The following SYT1 variants were observed in gnomAD, a reference collection of about 807,000 sequenced individuals.
SYT1 encodes the protein synaptotagmin 1.
SYT1 carries 8 observed loss-of-function variants against 44.8 expected under a neutral mutation model. The ratio of observed to expected loss-of-function variants is 0.18; its 90% CI spans 0.10 to 0.32. The LOEUF (loss-of-function observed/expected upper bound fraction) is 0.32, where lower values mean the gene tolerates loss of function less well. Ranked by LOEUF, SYT1 falls within the 10% of genes least tolerant of loss-of-function variation. SYT1 has a pLI of 1.00. For missense variants in SYT1, 286 were observed against 509.3 expected (o/e 0.56, Z 4.22); for synonymous variants, 154 against 188.8 (o/e 0.82, Z 1.51).
chr12:78,957,811 TA>T (rs1193173644), intron 1 of SYT1, among the ~76,000 whole-genome samples: 1 of 152,092 alleles, frequency 6.6e-6, no homozygotes, highest in African/African-American at 2.4e-5. Context: ...ACAAAATAAG[TA>T]AATAAAGAAA....
At chr12:78,936,902 A>G (rs1878093750) in intron 1 of SYT1, among the ~76,000 whole-genome samples, 1 of 152,184 alleles carries the variant, frequency 6.6e-6, no homozygotes. Context: ...ACTTGGAGCA[A>G]GGTACCCCTG....
chr12:78,972,332 T>C (rs2137394303), intron 1 of SYT1, among the ~76,000 whole-genome samples: 1 of 152,206 alleles, frequency 6.6e-6, no homozygotes, highest in Admixed American at 6.5e-5. Flanking sequence ...AGGTAATGCA[T>C]CATAAACTAA....
At chr12:79,430,463 A>T (rs1296667444) in intron 9 of SYT1, among the ~76,000 whole-genome samples, 1 of 152,192 alleles carries the variant, frequency 6.6e-6, no homozygotes, top group Non-Finnish European at 1.5e-5. Context: ...TGTTTTCTGT[A>T]TGCCTTCATT....
In SYT1 at chr12:79,276,953, AAGG is replaced by A. The variant is rs921385803; in HGVS notation, c.167-8817_167-8815del. Among the ~76,000 whole-genome samples the A allele has an allele frequency of 1.1e-3, 158 of 144,088 alleles. 1 individual carries two copies. Among genetic ancestry groups the A allele is most frequent in the South Asian group, 3.9e-3 (17 of 4,364 alleles). 94.5% of individuals were successfully genotyped at this position (144,088 alleles called of 152,430 possible). On this transcript the variant is annotated intron_variant, in intron 4 of 10. Coordinates refer to ENST00000261205, the MANE Select transcript of SYT1 (RefSeq NM_005639.3). Reference sequence around the variant, plus strand: ...AGGAAGGAGAAGAAGAAGAAGGAAGAAGGAGGAGGAGGAGGAGGAAGAGGAGGA... The same window carrying A: ...AGGAAGGAGAAGAAGAAGAAGGAAGAAGGAGGAGGAGGAGGAAGAGGAGGA...
chr12:78,984,277 G>C (rs1044376570), intron 2 of SYT1, among the ~76,000 whole-genome samples: 1 of 151,840 alleles, frequency 6.6e-6, no homozygotes, highest in South Asian at 2.1e-4. Flanking sequence ...AAAATTCAGA[G>C]CACCCTAGCA....
At chr12:79,345,334 C>G (rs1882559927) in intron 8 of SYT1, among the ~76,000 whole-genome samples, 1 of 151,496 alleles carries the variant, frequency 6.6e-6, no homozygotes. Context: ...TTACTAGACC[C>G]TGGAAGGTTT....
chr12:79,123,756 A>G (rs1236454469), intron 3 of SYT1, among the ~76,000 whole-genome samples: 2 of 152,204 alleles, frequency 1.3e-5, no homozygotes, highest in African/African-American at 4.8e-5. Flanking sequence ...AGCTCAAATT[A>G]ATGATTCCTG....
chr12:78,935,724 G>T (rs530304236), intron 1 of SYT1, among the ~76,000 whole-genome samples: 16 of 151,926 alleles, frequency 1.1e-4, no homozygotes, highest in African/African-American at 1.4e-4. Flanking sequence ...CCAATGAAAG[G>T]CTCTTAGATA....
At chr12:79,141,369 C>A (rs1445291997) in intron 3 of SYT1, among the ~76,000 whole-genome samples, 1 of 151,890 alleles carries the variant, frequency 6.6e-6, no homozygotes, top group Non-Finnish European at 1.5e-5. Context: ...ACAAATAATG[C>A]GTATTTGTAT....
intron 8 of SYT1, among the ~76,000 whole-genome samples, chr12:79,352,426 G>C (rs1270262886): frequency 6.6e-6 from 1 of 152,052 alleles, no homozygotes; most frequent in East Asian, 1.9e-4. Context: ...GTTGCCTTCT[G>C]TAGAATCAGA....
chr12:79,413,257 C>T (rs1366353497), intron 9 of SYT1, among the ~76,000 whole-genome samples: 1 of 152,202 alleles, frequency 6.6e-6, no homozygotes, highest in Non-Finnish European at 1.5e-5. Flanking sequence ...AAGGACACTG[C>T]TTCATATGTG....
chr12:79,373,855 C>T (rs61928833), intron 9 of SYT1, among the ~76,000 whole-genome samples: 17,510 of 152,112 alleles, frequency 0.12, 1,330 homozygotes, highest in Middle Eastern at 0.27. Flanking sequence ...CCAGCTGGGT[C>T]ATATTCTCAT....
intron 3 of SYT1, among the ~76,000 whole-genome samples, chr12:79,188,690 T>G (rs926531005): frequency 2.0e-5 from 3 of 152,132 alleles, no homozygotes; most frequent in African/African-American, 7.2e-5. Context: ...TTTTCTATCT[T>G]GAGGGAAAAG....
chr12:79,272,731 G>A (rs549766094), intron 4 of SYT1, among the ~76,000 whole-genome samples: 1 of 152,290 alleles, frequency 6.6e-6, no homozygotes, highest in African/African-American at 2.4e-5. Context: ...AAGGGGCTGA[G>A]AACCACCTTA....
At chr12:78,921,049 T>C (rs1592561822) in intron 1 of SYT1, among the ~76,000 whole-genome samples, 1 of 151,900 alleles carries the variant, frequency 6.6e-6, no homozygotes, top group Non-Finnish European at 1.5e-5. Context: ...ATTACAACTT[T>C]GAAGATACTT....
At chr12:79,045,230 C>T (rs540740020) in intron 2 of SYT1, among the ~76,000 whole-genome samples, 6 of 152,320 alleles carry the variant, frequency 3.9e-5, no homozygotes, top group Non-Finnish European at 7.4e-5. Context: ...CTGGCTGCCG[C>T]CTTGCAGTTT....
intron 3 of SYT1, among the ~76,000 whole-genome samples, chr12:79,165,454 T>C (rs542957336): frequency 1.2e-4 from 18 of 152,098 alleles, no homozygotes; most frequent in African/African-American, 3.8e-4. Context: ...AATTATAATG[T>C]TCTTTAAGGA....
chr12:79,158,511 A>G (rs139157791), intron 3 of SYT1, among the ~76,000 whole-genome samples: 228 of 152,196 alleles, frequency 1.5e-3, no homozygotes, highest in African/African-American at 5.2e-3. Context: ...GTACTGGTCC[A>G]TGGCCTGTAG....
chr12:79,186,530 A>C (rs1355131272), intron 3 of SYT1, among the ~76,000 whole-genome samples: 2 of 152,168 alleles, frequency 1.3e-5, no homozygotes, highest in Admixed American at 1.3e-4. Flanking sequence ...TGAACTTTTG[A>C]AACTTTTTCT....
Sources: allele counts gnomAD v4.1 joint callset (sites outside exome capture counted in the v4.1 genomes callset), GRCh38; gene constraint gnomAD v4.1.1; transcripts MANE v1.5; gene names NCBI Gene and HGNC (gene_info 2026-07-23, HGNC 2026-07-21).